Variants in KIAA1549 observed in about 807,000 individuals in gnomAD.
The protein encoded by KIAA1549 is KIAA1549, also known as UPF0606 protein KIAA1549.
In KIAA1549, 70 loss-of-function variants were observed where a neutral mutation model predicts 156.4. That is an observed-to-expected ratio of 0.45 (90% confidence interval 0.37 to 0.55). The LOEUF is 0.55. Among genes scored for constraint, KIAA1549 ranks in the 20% least tolerant of loss-of-function variants. The pLI, the probability that KIAA1549 is intolerant of heterozygous loss-of-function variation, is 0.00. For missense variants in KIAA1549, 2,428 were observed against 2,540.9 expected, an observed-to-expected ratio of 0.96 and a Z score of 0.96; for synonymous variants, 1,103 against 1,066.4, an observed-to-expected ratio of 1.03 and a Z score of -0.67.
At chr7:138,975,184 T>C (rs1194020719) in intron 1 of KIAA1549, among the ~76,000 whole-genome samples, 1 of 152,038 alleles carries the variant, frequency 6.6e-6, no homozygotes, top group African/African-American at 2.4e-5. Flanking sequence ...AAGATTAGAA[T>C]TTCACTAATG....
intron 8 of KIAA1549, 57 bp downstream of exon 8, chr7:138,903,531 C>T (rs576039160): frequency 2.6e-5 from 40 of 1,565,832 alleles, no homozygotes; most frequent in African/African-American, 2.0e-4. Flanking sequence ...TGCACTCACA[C>T]GCAAGCGCTG....
In KIAA1549 at chr7:138,840,248, C is replaced by G; in HGVS notation, c.5483G>C (p.Gly1828Ala). The change falls in exon 19 of 20, where the codon GGG becomes GCG. Residue 1828 changes from glycine to alanine, a missense_variant. Physicochemically the swap from Gly to Ala is moderately conservative, Grantham distance 60. This residue lies in a region of KIAA1549 where 363 missense variants were observed against 354.0 expected (regional missense o/e 1.03). Coordinates refer to ENST00000422774, the MANE Select transcript of KIAA1549 (RefSeq NM_001164665.2). ...CTGAGCTCCAATTCTGCTGGCAATC[C>G]CCACCTGTGTCAGGTGCTGGATCTG... is the stretch of plus-strand genomic sequence containing the variant. ...GSQIQHLTQV[G>A]IASRIGAQPV... 6.3e-7 allele frequency: 1 copy of G among 1,594,968 alleles called. No individual in the cohort carries two copies. The highest frequency in any genetic ancestry group is 1.1e-5 in the South Asian group (1 of 87,252).
rs146260147 is a variant in KIAA1549, at chr7:138,880,515, T to C, written c.4230-862A>G. On this transcript the variant is annotated intron_variant, in intron 11 of 19. Coordinates refer to ENST00000422774, the MANE Select transcript of KIAA1549 (RefSeq NM_001164665.2). Reference sequence around the variant, plus strand: ...AGAACCCCTGGGGTAGGTTTCCTGATAAGACAGAAGTCATGACATCGTTTC... The same window carrying C: ...AGAACCCCTGGGGTAGGTTTCCTGACAAGACAGAAGTCATGACATCGTTTC... Among the ~76,000 whole-genome samples the C allele has an allele frequency of 7.7e-3, 1,177 of 152,350 alleles. 10 individuals are homozygous for C. The highest frequency in any genetic ancestry group is 0.026 in the African/African-American group (1,066 of 41,570).
At chr7:138,842,317 G>C (rs953148301) in intron 18 of KIAA1549, among the ~76,000 whole-genome samples, 4 of 152,296 alleles carry the variant, frequency 2.6e-5, no homozygotes, top group East Asian at 1.9e-4. Flanking sequence ...CTCAGCCATC[G>C]ACAAGCCATG....
rs75140938 is a variant in KIAA1549, at chr7:138,886,025, C to G, written c.4033-4441G>C. Among the ~76,000 whole-genome samples, 1,105 of 151,866 alleles carry G rather than the reference C, an allele frequency of 7.3e-3. 8 individuals carry two copies. Among genetic ancestry groups the G allele is most frequent in the African/African-American group, 0.026 (1,065 of 41,232 alleles). Reference sequence around the variant, plus strand: ...CTTGGTGTGTGAGGAAAGCCCCCCCCCAAATTCGGTCACAGAAGTCTCCTG... The same window carrying G: ...CTTGGTGTGTGAGGAAAGCCCCCCCGCAAATTCGGTCACAGAAGTCTCCTG... On this transcript the variant is annotated intron_variant, in intron 10 of 19. Coordinates refer to ENST00000422774, the MANE Select transcript of KIAA1549 (RefSeq NM_001164665.2).
At chr7:138,866,334 T>C (rs1229596380) in intron 15 of KIAA1549, among the ~76,000 whole-genome samples, 1 of 152,344 alleles carries the variant, frequency 6.6e-6, no homozygotes, top group East Asian at 1.9e-4. Flanking sequence ...GTTTGCACAT[T>C]TGTGTAATTA....
At chr7:138,872,993 G>A (rs969203063) in intron 12 of KIAA1549, among the ~76,000 whole-genome samples, 1 of 152,166 alleles carries the variant, frequency 6.6e-6, no homozygotes, top group Non-Finnish European at 1.5e-5. Flanking sequence ...TGGCCAGCAG[G>A]CTGACAGAGG....
At chr7:138,937,990 G>A (rs960207553) in intron 1 of KIAA1549, among the ~76,000 whole-genome samples, 1 of 152,142 alleles carries the variant, frequency 6.6e-6, no homozygotes, top group African/African-American at 2.4e-5. Flanking sequence ...TACTGCTATA[G>A]TCTGAATATT....
intron 10 of KIAA1549, among the ~76,000 whole-genome samples, chr7:138,882,618 AG>A (rs1232437897): frequency 1.3e-5 from 2 of 152,228 alleles, no homozygotes; most frequent in Admixed American, 6.5e-5. Context: ...AAAGTGTTGG[AG>A]AACATCTAAT....
intron 1 of KIAA1549, among the ~76,000 whole-genome samples, chr7:138,939,983 C>A (rs1052818335): frequency 6.6e-5 from 10 of 151,808 alleles, no homozygotes; most frequent in African/African-American, 2.2e-4. Context: ...CCCATTTCTA[C>A]AAAAAAAATT....
intron 1 of KIAA1549, among the ~76,000 whole-genome samples, chr7:138,972,161 GGCTGGT>G (rs1000097952): frequency 2.6e-5 from 4 of 152,062 alleles, no homozygotes; most frequent in African/African-American, 9.7e-5. Context: ...CTCACTGAGG[GGCTGGT>G]GCCTGGCTCA....
chr7:138,893,514 T>C (rs1811600133), intron 10 of KIAA1549, among the ~76,000 whole-genome samples: 1 of 152,236 alleles, frequency 6.6e-6, no homozygotes, highest in African/African-American at 2.4e-5. Context: ...ACACAATTCC[T>C]CTCAGTAGAC....
Position 138,906,999 on chromosome 7 carries a change from T to G in KIAA1549, c.3380A>C (p.Glu1127Ala), listed in dbSNP as rs762852313. The G allele has an allele frequency of 1.2e-6, 2 of 1,613,508 alleles. No individual in the cohort carries two copies. Among genetic ancestry groups the G allele is most frequent in the East Asian group, 4.5e-5 (2 of 44,890 alleles). ...CAAGTTTCTGAGCAGCTCGCTCACT[T>G]CCGACCCATTCAAAAATCCCTGTGT... Reference protein sequence around the residue: ...KSTQGFLNGSEVSELLRNLSV... With the variant: ...KSTQGFLNGSAVSELLRNLSV... Residue 1127 changes from glutamate (E) to alanine (A), a missense_variant, in exon 6 of 20, where the codon GAA becomes GCA. Around this residue, in one of 5 missense-constraint regions of KIAA1549, gnomAD observed 762 missense variants for 901.6 expected, o/e 0.85. Transcript: ENST00000422774.
chr7:138,894,368 C>T lies in KIAA1549; in HGVS notation c.4006G>A (p.Val1336Met). ...TTCTGACGCTGCTGAATGTTGGCCA[C>T]AGTGTCAGGCTGAAAGTCTAGCTTG... ...TDKLDFQPDT[V>M]ANIQQRQKLQ... The change falls in exon 10 of 20, where the codon GTG (valine) becomes ATG (methionine). Residue 1336 changes from valine (V) to methionine (M), a missense_variant. This residue lies in a region of KIAA1549 where 762 missense variants were observed against 901.6 expected (regional missense o/e 0.85). Coordinates refer to ENST00000422774, the MANE Select transcript of KIAA1549 (RefSeq NM_001164665.2). 3 of 1,613,958 alleles carry T rather than the reference C, an allele frequency of 1.9e-6. No homozygotes were observed. In the South Asian group the frequency reaches 3.3e-5, roughly 18 times the overall value.
At chr7:138,963,990 C>G (rs1490162014) in intron 1 of KIAA1549, among the ~76,000 whole-genome samples, 1 of 152,190 alleles carries the variant, frequency 6.6e-6, no homozygotes, top group Admixed American at 6.5e-5. Context: ...TATGGCTCAT[C>G]ATGGAATTTT....
intron 12 of KIAA1549, among the ~76,000 whole-genome samples, chr7:138,872,373 A>T (rs1182484752): frequency 6.6e-6 from 1 of 151,990 alleles, no homozygotes. Context: ...AAAAAAAAAA[A>T]AGAAATTCAA....
At chr7:138,879,514 G>A in intron 12 of KIAA1549, 24 bp downstream of exon 12, 1 of 1,451,766 alleles carries the variant, frequency 6.9e-7, no homozygotes, top group Non-Finnish European at 9.4e-7. Context: ...ACTTTTAATG[G>A]GAAGAACCAG....
At chr7:138,956,688 C>A (rs1265542830) in intron 1 of KIAA1549, among the ~76,000 whole-genome samples, 1 of 152,180 alleles carries the variant, frequency 6.6e-6, no homozygotes, top group African/African-American at 2.4e-5. Flanking sequence ...GTCCATTAAA[C>A]CTCTTTTTCT....
At chr7:138,962,758 G>T (rs1045884377) in intron 1 of KIAA1549, among the ~76,000 whole-genome samples, 2 of 152,148 alleles carry the variant, frequency 1.3e-5, no homozygotes, top group African/African-American at 4.8e-5. Flanking sequence ...GCAGAATCAT[G>T]AGAAATAATA....
Sources: allele counts gnomAD v4.1 joint callset (sites outside exome capture counted in the v4.1 genomes callset), GRCh38; gene constraint gnomAD v4.1.1; regional missense constraint gnomAD v4.1.1; transcripts MANE v1.5; gene names NCBI Gene and HGNC (gene_info 2026-07-23, HGNC 2026-07-21).